NALF1: variants seen among roughly 807,000 people sequenced by gnomAD.
The protein encoded by NALF1 is family with sequence similarity 155 member A.
NALF1 carries 3 observed loss-of-function variants against 48.4 expected under a neutral mutation model. That is an observed-to-expected ratio of 0.06 (90% CI 0.03 to 0.16). NALF1 has a LOEUF of 0.16. NALF1 is among the 10% of genes least tolerant of loss of function. The probability of loss-of-function intolerance (pLI) is 1.00; values close to 1 mark genes in which losing one functional copy is unlikely to be tolerated. For synonymous variants in NALF1, 262 were observed against 245.7 expected, an observed-to-expected ratio of 1.07 and a Z score of -0.62; for missense variants, 526 against 571.5, an observed-to-expected ratio of 0.92 and a Z score of 0.81.
chr13:107,321,619 C>G (rs937699394), intron 1 of NALF1, among the ~76,000 whole-genome samples: 1 of 152,140 alleles, frequency 6.6e-6, no homozygotes, highest in Non-Finnish European at 1.5e-5. Context: ...TCAACTTGAA[C>G]TGAACTTTGG....
intron 1 of NALF1, among the ~76,000 whole-genome samples, chr13:107,756,480 A>C (rs977069317): frequency 3.3e-5 from 5 of 151,084 alleles, no homozygotes; most frequent in African/African-American, 1.2e-4. Flanking sequence ...AAATGCATGT[A>C]AAACATAAAT....
rs989584833 is a variant in NALF1 at position 107,867,123 on chromosome 13, CCCT to C, written c.-530_-528del. Among the ~76,000 whole-genome samples, 77 of 151,338 alleles carry C rather than the reference CCCT, an allele frequency of 5.1e-4. No homozygotes were observed. The highest frequency in any genetic ancestry group is 1.0e-3 in the South Asian group (5 of 4,796). On this transcript the variant is annotated 5_prime_UTR_variant, in exon 1 of 3. Transcript: ENST00000375915. The surrounding 1 kb of genome is among the most constrained non-coding windows in gnomAD (Gnocchi z 4.4). ...CCACTGACGGCGCCCGGAGCGCCTC[CCCT>C]CCTCCTCCTCCTCCTCCTCTTCTTC... is the stretch of plus-strand genomic sequence containing the variant.
At chr13:107,322,598 A>C (rs895321346) in intron 1 of NALF1, among the ~76,000 whole-genome samples, 2 of 152,144 alleles carry the variant, frequency 1.3e-5, no homozygotes, top group Admixed American at 1.3e-4. Context: ...ATGACTGAAG[A>C]CCAGCCTAAG....
chr13:107,743,442 A>G (rs924421777), intron 1 of NALF1, among the ~76,000 whole-genome samples: 9 of 152,258 alleles, frequency 5.9e-5, no homozygotes, highest in African/African-American at 1.9e-4. Flanking sequence ...ATAGCAGAGA[A>G]TACTGTTGAA....
chr13:107,239,927 A>G (rs2138833975), intron 1 of NALF1, among the ~76,000 whole-genome samples: 1 of 152,302 alleles, frequency 6.6e-6, no homozygotes, highest in Admixed American at 6.5e-5. Flanking sequence ...AATCCACCAC[A>G]AGGGCATCAT....
intron 1 of NALF1, among the ~76,000 whole-genome samples, chr13:107,816,619 A>G (rs1318576988): frequency 6.6e-6 from 1 of 152,172 alleles, no homozygotes; most frequent in African/African-American, 2.4e-5. Flanking sequence ...GAGGACACAG[A>G]GCCAAACCAT....
chr13:107,553,692 G>C (rs774991982), intron 1 of NALF1, among the ~76,000 whole-genome samples: 3 of 152,066 alleles, frequency 2.0e-5, no homozygotes, highest in African/African-American at 4.8e-5. Context: ...TTAATTTATA[G>C]ATACCTTATG....
At chr13:107,469,234 G>T (rs943889529) in intron 1 of NALF1, among the ~76,000 whole-genome samples, 1 of 152,060 alleles carries the variant, frequency 6.6e-6, no homozygotes, top group Admixed American at 6.6e-5. Flanking sequence ...AACCTAAGCT[G>T]CATATAAATT....
intron 1 of NALF1, among the ~76,000 whole-genome samples, chr13:107,461,367 G>A (rs964498663): frequency 2.0e-5 from 3 of 152,134 alleles, no homozygotes; most frequent in Non-Finnish European, 4.4e-5. Flanking sequence ...GCTATGATTT[G>A]CATAAATATT....
At chr13:107,681,983 T>C (rs1297503816) in intron 1 of NALF1, among the ~76,000 whole-genome samples, 1 of 152,188 alleles carries the variant, frequency 6.6e-6, no homozygotes. Flanking sequence ...CCTGTGGAAA[T>C]CCTACAACCA....
intron 1 of NALF1, among the ~76,000 whole-genome samples, chr13:107,245,037 G>A: frequency 6.6e-6 from 1 of 152,126 alleles, no homozygotes; most frequent in Non-Finnish European, 1.5e-5. Flanking sequence ...AATTTATAGA[G>A]TAGCTATTAC....
At chr13:107,577,464 T>C (rs537427001) in intron 1 of NALF1, among the ~76,000 whole-genome samples, 1 of 133,822 alleles carries the variant, frequency 7.5e-6, no homozygotes, top group South Asian at 2.7e-4. Context: ...GAGAGAAAGC[T>C]AGATATCTGC....
chr13:107,256,148 T>A (rs1334097526), intron 1 of NALF1, among the ~76,000 whole-genome samples: 1 of 152,158 alleles, frequency 6.6e-6, no homozygotes, highest in Non-Finnish European at 1.5e-5. Flanking sequence ...ATTATATAAA[T>A]TTAGATTATA....
At chr13:107,472,807 C>T (rs867271515) in intron 1 of NALF1, among the ~76,000 whole-genome samples, 4 of 152,238 alleles carry the variant, frequency 2.6e-5, no homozygotes, top group Non-Finnish European at 4.4e-5. Flanking sequence ...AGCTTGCACA[C>T]GGCCTATTGT....
chr13:107,175,691 C>T (rs1878912204), intron 2 of NALF1, among the ~76,000 whole-genome samples: 1 of 152,062 alleles, frequency 6.6e-6, no homozygotes, highest in African/African-American at 2.4e-5. Context: ...TATTTCTTTG[C>T]CTTATATAGA....
In NALF1 at chr13:107,691,496, G is replaced by C. The variant is rs150078555; in HGVS notation, c.915+174186C>G. Among the ~76,000 whole-genome samples the C allele has an allele frequency of 8.6e-4, 131 of 152,250 alleles. 1 individual carries two copies. The highest frequency in any genetic ancestry group is 3.0e-3 in the African/African-American group (123 of 41,546). On this transcript the variant is annotated intron_variant, in intron 1 of 2. Coordinates refer to ENST00000375915, the MANE Select transcript of NALF1 (RefSeq NM_001080396.3). ...CTTTGCCTTTGAGATCTGAATCAAA[G>C]CAAAAACAGGTCATCTTCCTTCTCA...
At chr13:107,334,788 G>T (rs1021162096) in intron 1 of NALF1, among the ~76,000 whole-genome samples, 3 of 152,124 alleles carry the variant, frequency 2.0e-5, no homozygotes, top group African/African-American at 7.2e-5. Flanking sequence ...ATGTAGTGAC[G>T]CTTTAAACAC....
At chr13:107,858,680 C>T (rs1880495550) in intron 1 of NALF1, among the ~76,000 whole-genome samples, 1 of 152,188 alleles carries the variant, frequency 6.6e-6, no homozygotes, top group African/African-American at 2.4e-5. Flanking sequence ...GAGTGAGACA[C>T]TGTCTCAAAA....
intron 1 of NALF1, among the ~76,000 whole-genome samples, chr13:107,704,158 C>T (rs1881891775): frequency 6.6e-6 from 1 of 152,114 alleles, no homozygotes; most frequent in African/African-American, 2.4e-5. Context: ...TTATGTTTTG[C>T]TATGTAAAAT....
Sources: gnomAD v4.1 joint callset for allele counts (sites outside exome capture counted in the v4.1 genomes callset) on GRCh38, gnomAD v4.1.1 for gene constraint, Gnocchi (gnomAD v3.1) non-coding constraint, MANE v1.5 for transcripts, NCBI Gene and HGNC (gene_info 2026-07-23, HGNC 2026-07-21) for gene names.